The following MYO1F variants were observed in gnomAD, a reference collection of about 807,000 sequenced individuals.
The protein encoded by MYO1F is myosin IF.
In MYO1F, 60 loss-of-function variants were observed where a neutral mutation model predicts 146.6. The ratio of observed to expected loss-of-function variants is 0.41; its 90% CI spans 0.33 to 0.51. The LOEUF is 0.51. MYO1F is among the 20% of genes least tolerant of loss of function. The probability of loss-of-function intolerance (pLI) is 0.25; values close to 1 mark genes in which losing one functional copy is unlikely to be tolerated. For missense variants in MYO1F, 1,274 were observed against 1,534.3 expected, an observed-to-expected ratio of 0.83 and a Z score of 2.83; for synonymous variants, 602 against 602.1, an observed-to-expected ratio of 1.00 and a Z score of 0.00.
At chr19:8,566,846 T>C (rs969035998) in intron 1 of MYO1F, among the ~76,000 whole-genome samples, 1 of 151,608 alleles carries the variant, frequency 6.6e-6, no homozygotes, top group African/African-American at 2.4e-5. Context: ...TTAAATAATA[T>C]ATGTTTACAA....
At chr19:8,547,986 A>ACCC in intron 12 of MYO1F, 50 bp downstream of exon 12, 27 of 837,494 alleles carry the variant, frequency 3.2e-5, no homozygotes, top group Admixed American at 7.0e-5. Context: ...TGGTCCTTCC[A>ACCC]CCCCACCCCC....
chr19:8,554,633 C>T, intron 3 of MYO1F, 21 bp downstream of exon 3: 3 of 1,612,878 alleles, frequency 1.9e-6, no homozygotes, highest in South Asian at 2.2e-5. Flanking sequence ...GGCTGTGCCT[C>T]CCACCCAGCC....
At chr19:8,529,473 G>A (rs535916711) in intron 21 of MYO1F, among the ~76,000 whole-genome samples, 61 of 152,212 alleles carry the variant, frequency 4.0e-4, no homozygotes, top group African/African-American at 1.4e-3. Flanking sequence ...TCTATGCCAA[G>A]CATGAATGCA....
chr19:8,555,386 A>G (rs1973804114), intron 2 of MYO1F: 1 of 360,912 alleles, frequency 2.8e-6, no homozygotes. Context: ...CAAAAAAAAA[A>G]AAAAAAAAAA....
intron 1 of MYO1F, among the ~76,000 whole-genome samples, chr19:8,563,894 G>A (rs1467852432): frequency 6.6e-6 from 1 of 152,060 alleles, no homozygotes; most frequent in Non-Finnish European, 1.5e-5. Context: ...TTCTCAAAGT[G>A]CTGAGATTAT....
intron 1 of MYO1F, among the ~76,000 whole-genome samples, chr19:8,573,468 A>G (rs1377856344): frequency 2.0e-5 from 3 of 152,176 alleles, no homozygotes; most frequent in Admixed American, 6.6e-5. Flanking sequence ...AATGTCAGAC[A>G]GGTCCCATGA....
chr19:8,546,614 C>G (rs915628758), intron 12 of MYO1F, among the ~76,000 whole-genome samples: 1 of 152,080 alleles, frequency 6.6e-6, no homozygotes, highest in African/African-American at 2.4e-5. Context: ...CTTAACTTAG[C>G]CTCCTAGATA....
chr19:8,544,272 G>T (rs1180896837), intron 14 of MYO1F, 25 bp downstream of exon 14: 1 of 1,612,272 alleles, frequency 6.2e-7, no homozygotes, highest in Non-Finnish European at 8.5e-7. Context: ...GGAGGCACAG[G>T]GTAGGGTAGG....
At chr19:8,565,414 C>T (rs1030287087) in intron 1 of MYO1F, among the ~76,000 whole-genome samples, 3 of 151,768 alleles carry the variant, frequency 2.0e-5, no homozygotes, top group Non-Finnish European at 4.4e-5. Flanking sequence ...TGGTGGCGAG[C>T]GCCTGTAATC....
intron 21 of MYO1F, chr19:8,529,790 T>G (rs1438590247): frequency 1.4e-5 from 5 of 360,168 alleles, no homozygotes; most frequent in African/African-American, 4.2e-5. Context: ...CTGTGTCTGC[T>G]ATACTTGAGT....
At chr19:8,545,386 A>G in intron 13 of MYO1F, 1 of 465,654 alleles carries the variant, frequency 2.1e-6, no homozygotes, top group Non-Finnish European at 4.0e-6. Context: ...ACCGGCATGG[A>G]ATCTGCAAAT....
intron 2 of MYO1F, 44 bp downstream of exon 2, chr19:8,555,615 C>A (rs768964319): frequency 6.2e-7 from 1 of 1,613,480 alleles, no homozygotes; most frequent in East Asian, 2.2e-5. Context: ...CCCAGCCATT[C>A]ATTCCTTCCC....
intron 14 of MYO1F, among the ~76,000 whole-genome samples, chr19:8,542,216 C>T (rs891718066): frequency 3.3e-5 from 5 of 149,704 alleles, no homozygotes; most frequent in Admixed American, 6.7e-5. Context: ...GTTAGAGGAT[C>T]GTGGCTGTAT....
chr19:8,547,510 A>C (rs532052345), intron 12 of MYO1F, among the ~76,000 whole-genome samples: 1 of 150,574 alleles, frequency 6.6e-6, no homozygotes, highest in East Asian at 2.0e-4. Context: ...AGGCTGAGGC[A>C]GGAGAATCAC....
chr19:8,561,238 T>C (rs1974087561), intron 1 of MYO1F, among the ~76,000 whole-genome samples: 1 of 152,024 alleles, frequency 6.6e-6, no homozygotes. Flanking sequence ...CAGGGTTAAC[T>C]GTCTGGGGAA....
chr19:8,555,507 A>C, intron 2 of MYO1F, 152 bp downstream of exon 2: 36 of 1,021,754 alleles, frequency 3.5e-5, no homozygotes, highest in Middle Eastern at 2.1e-4. Context: ...GCCCCCAACC[A>C]GAGCCCTGCT....
At chr19:8,561,761 G>C (rs940766507) in intron 1 of MYO1F, among the ~76,000 whole-genome samples, 3 of 150,022 alleles carry the variant, frequency 2.0e-5, no homozygotes, top group Non-Finnish European at 4.4e-5. Flanking sequence ...CTGTTGGCCA[G>C]GCTGGAGTGT....
Position 8,550,336 on chromosome 19 carries a change from G to A in MYO1F, c.925C>T (p.Leu309=). 1 of 1,613,174 alleles carries A rather than the reference G, an allele frequency of 6.2e-7. No homozygotes were observed. Among genetic ancestry groups the A allele is most frequent in the African/African-American group, 1.3e-5 (1 of 75,040 alleles). ...SVDLLAFPAY[L]LGIDSGRLQE... ...AGTCGCCCGCTGTCAATGCCCAGCA[G>A]GTAGGCGGGAAAGGCCAGGACTACC... Residue 309 remains leucine, a synonymous_variant, in exon 10 of 28, where the codon CTG becomes TTG. Transcript: ENST00000644032.
rs764500080 is a variant in MYO1F, at chr19:8,554,761, G to A, written c.142-18C>T. ...ATGTAGGTCTGAGGGATGGTTAAGG[G>A]TCGTGTGGTGTCCTGGTAGGTTTTG... On this transcript the variant is annotated intron_variant, in intron 2 of 27. Transcript: ENST00000644032. 1 of 1,610,830 alleles carries A rather than the reference G, an allele frequency of 6.2e-7. No homozygotes were observed. Among genetic ancestry groups the A allele is most frequent in the African/African-American group, 1.3e-5 (1 of 74,814 alleles).
Sources: gnomAD v4.1 joint callset for allele counts (sites outside exome capture counted in the v4.1 genomes callset) on GRCh38, gnomAD v4.1.1 for gene constraint, MANE v1.5 for transcripts, NCBI Gene and HGNC (gene_info 2026-07-23, HGNC 2026-07-21) for gene names.